Variants in KCNN2 observed in about 807,000 individuals in gnomAD.
The protein encoded by KCNN2 is potassium calcium-activated channel subfamily N member 2.
Under a neutral mutation model 55.5 loss-of-function variants are expected in KCNN2, and 24 were observed. The ratio of observed to expected loss-of-function variants is 0.43; its 90% confidence interval spans 0.31 to 0.61. KCNN2 has a LOEUF of 0.61. Among genes scored for constraint, KCNN2 ranks in the 20% least tolerant of loss-of-function variants. The pLI, the probability that KCNN2 is intolerant of heterozygous loss-of-function variation, is 0.08. For synonymous variants in KCNN2, 431 were observed against 336.1 expected (o/e 1.28, Z -3.09); for missense variants, 754 against 853.6 (o/e 0.88, Z 1.45).
chr5:114,322,969 G>A (rs1034411811), intron 2 of KCNN2, among the ~76,000 whole-genome samples: 7 of 152,146 alleles, frequency 4.6e-5, no homozygotes, highest in South Asian at 2.1e-4. Flanking sequence ...CACTCTCCCC[G>A]TCAAGTAGAC....
intron 1 of KCNN2, among the ~76,000 whole-genome samples, chr5:114,142,693 C>A (rs1319809742): frequency 6.6e-6 from 1 of 152,066 alleles, no homozygotes; most frequent in Non-Finnish European, 1.5e-5. Context: ...GAACTACAAA[C>A]CACTGCTCAA....
In KCNN2 at chr5:114,193,908, C is replaced by T. The variant is rs149625756; in HGVS notation, c.-270-27572C>T. Among the ~76,000 whole-genome samples, 219 of 152,158 alleles carry T rather than the reference C, an allele frequency of 1.4e-3. 1 individual carries two copies. Among genetic ancestry groups the T allele is most frequent in the African/African-American group, 5.2e-3 (216 of 41,520 alleles). ...TATAATTCACATGCTGTACAATTTA[C>T]CCATTTAATGTGAAAATTCAGTGTT... On this transcript the variant is annotated intron_variant, in intron 1 of 10. Transcript: ENST00000512097.
At chr5:114,312,293 A>G (rs1199658596) in intron 2 of KCNN2, among the ~76,000 whole-genome samples, 1 of 150,936 alleles carries the variant, frequency 6.6e-6, no homozygotes, top group Non-Finnish European at 1.5e-5. Context: ...AACCAATGCA[A>G]TAAATTACTT....
chr5:114,122,298 T>C (rs981835485), intron 1 of KCNN2, among the ~76,000 whole-genome samples: 2 of 152,142 alleles, frequency 1.3e-5, no homozygotes, highest in Non-Finnish European at 2.9e-5. Flanking sequence ...GAAGGCAGTA[T>C]GAAAGAGCCA....
intron 2 of KCNN2, among the ~76,000 whole-genome samples, chr5:114,248,462 A>G (rs1754791142): frequency 6.6e-6 from 1 of 152,202 alleles, no homozygotes; most frequent in Admixed American, 6.5e-5. Flanking sequence ...TGGATCAAAG[A>G]GCACAGAACA....
At chr5:114,151,234 GA>G (rs1450345094) in intron 1 of KCNN2, among the ~76,000 whole-genome samples, 1 of 152,048 alleles carries the variant, frequency 6.6e-6, no homozygotes, top group African/African-American at 2.4e-5. Context: ...AGAAATCACA[GA>G]GCTTAAGGGA....
chr5:114,120,620 G>A (rs1751807521), intron 1 of KCNN2, among the ~76,000 whole-genome samples: 1 of 152,160 alleles, frequency 6.6e-6, no homozygotes, highest in Non-Finnish European at 1.5e-5. Flanking sequence ...TTGATGCAAA[G>A]GGGGAGGCCA....
rs372094641 is a variant in KCNN2 at position 114,295,691 on chromosome 5, G to A, written c.-184-65254G>A. ...CCTCACCCTGCTTCAGCTCACGCAC[G>A]ATGCACTAAACCCACTTTCCTGCAC... is the stretch of plus-strand genomic sequence containing the variant. On this transcript the variant is annotated intron_variant, in intron 2 of 10. Coordinates refer to the KCNN2 transcript ENST00000512097. 9.9e-5 allele frequency among the ~76,000 whole-genome samples: 15 copies of A among 152,108 alleles called. No individual in the cohort carries two copies. In the East Asian group the frequency reaches 1.2e-3, roughly 12 times the overall value.
At chr5:114,365,131 A>G (rs1313347028) in intron 2 of KCNN2, among the ~76,000 whole-genome samples, 1 of 152,202 alleles carries the variant, frequency 6.6e-6, no homozygotes, top group African/African-American at 2.4e-5. Flanking sequence ...ATGCCCAGAC[A>G]AAATAGTGAT....
chr5:114,355,107 T>C (rs1440821174), intron 2 of KCNN2, among the ~76,000 whole-genome samples: 3 of 152,176 alleles, frequency 2.0e-5, no homozygotes, highest in Non-Finnish European at 4.4e-5. Flanking sequence ...GCACCAACTC[T>C]CTCCTGGCAC....
upstream of KCNN2, among the ~76,000 whole-genome samples, chr5:114,357,295 ATTT>A: frequency 6.9e-6 from 1 of 145,438 alleles, no homozygotes; most frequent in African/African-American, 2.5e-5. Context: ...ACAACATGAA[ATTT>A]TTTTTTTTTT....
chr5:114,419,902 GC>G (rs904963843), intron 3 of KCNN2, among the ~76,000 whole-genome samples: 5 of 152,216 alleles, frequency 3.3e-5, no homozygotes, highest in Non-Finnish European at 7.3e-5. Flanking sequence ...AGAGGCTGAG[GC>G]AGCAGGATCA....
intron 1 of KCNN2, among the ~76,000 whole-genome samples, chr5:114,166,332 G>C (rs550705644): frequency 1.3e-4 from 20 of 152,220 alleles, no homozygotes; most frequent in African/African-American, 4.8e-4. Flanking sequence ...TTACACAGTA[G>C]AGCAAATGTT....
intron 1 of KCNN2, among the ~76,000 whole-genome samples, chr5:114,211,152 C>T (rs1029703457): frequency 1.3e-5 from 2 of 151,968 alleles, no homozygotes; most frequent in African/African-American, 2.4e-5. Context: ...AGTAGTGTGG[C>T]GATTTCTCAG....
chr5:114,222,047 T>A (rs4535442), intron 2 of KCNN2, among the ~76,000 whole-genome samples: 1 of 152,050 alleles, frequency 6.6e-6, no homozygotes, highest in East Asian at 1.9e-4. Context: ...GGCTAGATAA[T>A]ATGTTTGAGA....
rs368550277 is a variant in KCNN2 at position 114,362,977 on chromosome 5, G to A, written c.838G>A (p.Val280Met). ...AVSSSAPEIV[V>M]SKPEHNNSNN... ...TTCGTCCTCAGCCCCCGAGATCGTG[G>A]TGTCTAAGCCCGAGCACAACAACTC... The change falls in exon 1 of 8, where the codon GTG (valine) becomes ATG (methionine). Residue 280 changes from valine to methionine, a missense_variant. Transcript: ENST00000673685. 1 of 1,590,518 alleles carries A rather than the reference G, an allele frequency of 6.3e-7. No homozygotes were observed. Among genetic ancestry groups the A allele is most frequent in the Non-Finnish European group, 8.5e-7 (1 of 1,174,466 alleles).
chr5:114,319,921 G>A (rs1337596552), intron 2 of KCNN2, among the ~76,000 whole-genome samples: 1 of 152,134 alleles, frequency 6.6e-6, no homozygotes, highest in East Asian at 1.9e-4. Flanking sequence ...TTAGTCAAAG[G>A]AAGGAATCCA....
At chr5:114,480,206 G>A (rs756727628) in intron 5 of KCNN2, among the ~76,000 whole-genome samples, 4 of 151,876 alleles carry the variant, frequency 2.6e-5, no homozygotes, top group Non-Finnish European at 4.4e-5. Flanking sequence ...AAATACAGAC[G>A]ACCATCAGAG....
At chr5:114,380,630 C>G (rs1387292749) in intron 2 of KCNN2, among the ~76,000 whole-genome samples, 2 of 152,210 alleles carry the variant, frequency 1.3e-5, no homozygotes, top group East Asian at 3.8e-4. Context: ...AATAATCACA[C>G]AAACGGTAAC....
Sources: allele counts gnomAD v4.1 joint callset (sites outside exome capture counted in the v4.1 genomes callset), GRCh38; gene constraint gnomAD v4.1.1; transcripts MANE v1.5; gene names NCBI Gene and HGNC (gene_info 2026-07-23, HGNC 2026-07-21).